Variants in POU2F3 observed in about 807,000 individuals in gnomAD.
POU2F3 encodes POU domain, class 2, transcription factor 3.
A neutral mutation model predicts 59.2 loss-of-function variants in POU2F3; 23 were observed. The ratio of observed to expected loss-of-function variants is 0.39; its 90% CI spans 0.28 to 0.55. The LOEUF (loss-of-function observed/expected upper bound fraction) is 0.55. Among genes scored for constraint, POU2F3 ranks in the 20% least tolerant of loss-of-function variants. The pLI, the probability that POU2F3 is intolerant of heterozygous loss-of-function variation, is 0.66. For synonymous variants in POU2F3, 190 were observed against 214.6 expected, an observed-to-expected ratio of 0.89 and a Z score of 1.00; for missense variants, 473 against 544.5, an observed-to-expected ratio of 0.87 and a Z score of 1.31.
At chr11:120,308,217 T>C (rs1339721596) in intron 9 of POU2F3, among the ~76,000 whole-genome samples, 1 of 152,186 alleles carries the variant, frequency 6.6e-6, no homozygotes, top group Non-Finnish European at 1.5e-5. Context: ...GTGGAAGCTG[T>C]GAGCCCCGTG....
rs779382954 is a variant in POU2F3, at chr11:120,240,309, G to A, written c.-35G>A. 2 of 1,357,692 alleles carry A rather than the reference G, an allele frequency of 1.5e-6. No individual in the cohort carries two copies. The highest frequency in any genetic ancestry group is 2.8e-5 in the East Asian group (1 of 35,102). The allele number at this position is 1,357,692 out of a possible 1,614,324, so 84.1% of individuals were successfully genotyped here. On this transcript the variant is annotated 5_prime_UTR_variant, in exon 1 of 13. Coordinates refer to ENST00000543440, the MANE Select transcript of POU2F3 (RefSeq NM_014352.4). Reference sequence around the variant, plus strand: ...CGGCTGGGGCAGAGGCGAGGGGCCTGGGGGGGCGCTGGCTTTGGCCCCGCC... The same window carrying A: ...CGGCTGGGGCAGAGGCGAGGGGCCTAGGGGGGCGCTGGCTTTGGCCCCGCC...
intron 3 of POU2F3, among the ~76,000 whole-genome samples, chr11:120,296,309 AG>A (rs1230147748): frequency 6.6e-6 from 1 of 152,212 alleles, no homozygotes; most frequent in African/African-American, 2.4e-5. Context: ...ACTATGTGAA[AG>A]GCACCATATT....
intron 2 of POU2F3, among the ~76,000 whole-genome samples, chr11:120,266,386 C>T (rs1310896370): frequency 6.6e-6 from 1 of 152,140 alleles, no homozygotes; most frequent in Non-Finnish European, 1.5e-5. Context: ...AGTTGGTCTC[C>T]CTTCCTCTTC....
At chr11:120,256,039 A>G (rs1035497887) in intron 2 of POU2F3, 5 of 152,160 alleles carry the variant, frequency 3.3e-5, no homozygotes, top group African/African-American at 1.2e-4. Context: ...TTTCGGCTGG[A>G]GTTTGTGCAT....
chr11:120,316,475 C>T (rs781163122), intron 11 of POU2F3, among the ~76,000 whole-genome samples: 1 of 152,210 alleles, frequency 6.6e-6, no homozygotes, highest in Non-Finnish European at 1.5e-5. Flanking sequence ...GTTGCCCAGG[C>T]AATGTGGTGA....
At chr11:120,305,341 C>A (rs1364988573) in intron 7 of POU2F3, 129 bp downstream of exon 7, 4 of 1,115,690 alleles carry the variant, frequency 3.6e-6, no homozygotes, top group East Asian at 2.6e-5. Flanking sequence ...TCCCTGAGTT[C>A]TCTGAGAATA....
At chr11:120,315,626 G>A (rs914404160) in intron 11 of POU2F3, among the ~76,000 whole-genome samples, 199 bp downstream of exon 11, 3 of 152,248 alleles carry the variant, frequency 2.0e-5, no homozygotes, top group South Asian at 2.1e-4. Context: ...CAAGCGAATT[G>A]TTTTGTTTTG....
rs1451351198 is a variant in POU2F3 at position 120,309,312 on chromosome 11, C to T, written c.907-113C>T. The T allele has an allele frequency of 7.1e-6, 8 of 1,125,576 alleles. No individual in the cohort carries two copies. The South Asian group carries it at 8.8e-5, about 12-fold the overall frequency. The allele number at this position is 1,125,576 out of a possible 1,614,324, so 69.7% of individuals were successfully genotyped here. On this transcript the variant is annotated intron_variant, in intron 9 of 12. Coordinates refer to ENST00000543440, the MANE Select transcript of POU2F3 (RefSeq NM_014352.4). ...AAAAAGCCAGTATTTCATCCTAGGT[C>T]TGACTCTAAAGCTTTTGATCCATGT...
At chr11:120,274,959 G>T (rs1459097394) in intron 3 of POU2F3, among the ~76,000 whole-genome samples, 4 of 152,200 alleles carry the variant, frequency 2.6e-5, no homozygotes, top group African/African-American at 9.6e-5. Context: ...CAATACAGTA[G>T]AGTCTGAAGC....
intron 3 of POU2F3, among the ~76,000 whole-genome samples, chr11:120,271,346 A>G (rs1050013527): frequency 6.6e-6 from 1 of 152,204 alleles, no homozygotes; most frequent in East Asian, 1.9e-4. Context: ...TACCTCAGAG[A>G]TAGTTTGGCC....
chr11:120,294,897 T>A (rs1265068102), intron 3 of POU2F3, among the ~76,000 whole-genome samples: 1 of 151,874 alleles, frequency 6.6e-6, no homozygotes, highest in Non-Finnish European at 1.5e-5. Context: ...CAGAAGGTAA[T>A]GAATTATGAA....
chr11:120,264,432 G>A (rs1206149758), intron 2 of POU2F3, among the ~76,000 whole-genome samples: 1 of 152,198 alleles, frequency 6.6e-6, no homozygotes, highest in Non-Finnish European at 1.5e-5. Flanking sequence ...CCTTTGTTTT[G>A]CTTTGGATAA....
At chr11:120,304,035 C>T (rs997859886) in intron 6 of POU2F3, 1 of 152,078 alleles carries the variant, frequency 6.6e-6, no homozygotes, top group Non-Finnish European at 1.5e-5. Flanking sequence ...TGAAAATAAG[C>T]TCAAGAAATA....
intron 3 of POU2F3, among the ~76,000 whole-genome samples, chr11:120,282,107 T>A (rs1940593763): frequency 1.3e-5 from 2 of 152,232 alleles, no homozygotes; most frequent in Non-Finnish European, 2.9e-5. Flanking sequence ...CGTTTCCAGA[T>A]GACAGTGCTT....
At chr11:120,259,412 G>T (rs559867357) in intron 2 of POU2F3, 1 of 152,304 alleles carries the variant, frequency 6.6e-6, no homozygotes, top group South Asian at 2.1e-4. Context: ...AAAGAAAAAG[G>T]GAAAGCCAGG....
At position 120,240,175 on chromosome 11, in the gene POU2F3, G is replaced by T; in HGVS notation, c.-169G>T. On this transcript the variant is annotated 5_prime_UTR_variant, in exon 1 of 13. Coordinates refer to ENST00000543440, the MANE Select transcript of POU2F3 (RefSeq NM_014352.4). ...TCCTGGCGGCGCCGAGTGTTGCCCG[G>T]GCCGGAGCAGCGGAGCGCGCGACAG... The T allele has an allele frequency of 2.5e-6, 3 of 1,221,010 alleles. No individual in the cohort carries two copies. In the South Asian group the frequency reaches 1.2e-4, roughly 50 times the overall value. The allele number at this position is 1,221,010 out of a possible 1,614,324, so 75.6% of individuals were successfully genotyped here. A position where few individuals can be genotyped will look rare whatever the true frequency, so the allele number is the denominator to read the frequency against.
At position 120,315,408 on chromosome 11, in the gene POU2F3, C is replaced by T. The variant is rs1941758816; in HGVS notation, c.1116C>T (p.His372=). The change falls in exon 11 of 13, where the codon CAC becomes CAT. Residue 372 remains histidine (H), a synonymous_variant. Coordinates refer to ENST00000543440, the MANE Select transcript of POU2F3 (RefSeq NM_014352.4). ...GCCCCCTCTCTGTCCCTCCTGTCCA[C>T]AGTACCATGCCTGGAACAGGTGAGC... ...SLGPLSVPPV[H]STMPGTVTSS... is the part of the protein sequence containing the mutation. The T allele has an allele frequency of 1.9e-6, 3 of 1,613,480 alleles. No homozygotes were observed. Among genetic ancestry groups the T allele is most frequent in the African/African-American group, 1.3e-5 (1 of 75,006 alleles).
At chr11:120,317,142 G>C in intron 11 of POU2F3, 87 bp from the exon 12 acceptor site, 2 of 1,523,166 alleles carry the variant, frequency 1.3e-6, no homozygotes, top group Non-Finnish European at 1.8e-6. Flanking sequence ...GATACACCAG[G>C]AAATTTGTGT....
At chr11:120,313,237 G>T (rs1165514178) in intron 10 of POU2F3, among the ~76,000 whole-genome samples, 2 of 152,176 alleles carry the variant, frequency 1.3e-5, no homozygotes, top group Non-Finnish European at 2.9e-5. Context: ...GAGAAATGGA[G>T]GGGGCCTAGA....
Sources: allele counts gnomAD v4.1 joint callset (sites outside exome capture counted in the v4.1 genomes callset), GRCh38; gene constraint gnomAD v4.1.1; transcripts MANE v1.5; gene names NCBI Gene and HGNC (gene_info 2026-07-23, HGNC 2026-07-21).